Variants in PDE8B observed in about 807,000 individuals in gnomAD.
PDE8B encodes phosphodiesterase 8B, also known as high affinity cAMP-specific and IBMX-insensitive 3',5'-cyclic phosphodiesterase 8B.
In PDE8B, 26 loss-of-function variants were observed where a neutral mutation model predicts 101.3. The observed-to-expected ratio is 0.26, with a 90% CI of 0.19 to 0.36. The LOEUF (loss-of-function observed/expected upper bound fraction) is 0.36, where lower values mean the gene tolerates loss of function less well. Among genes scored for constraint, PDE8B ranks in the 10% least tolerant of loss-of-function variants. The pLI is 1.00. For synonymous variants in PDE8B, 424 were observed against 429.3 expected (o/e 0.99, Z 0.15); for missense variants, 810 against 1,163.1 (o/e 0.70, Z 4.42).
chr5:77,393,087 T>C (rs2150937749), intron 10 of PDE8B, among the ~76,000 whole-genome samples: 1 of 152,252 alleles, frequency 6.6e-6, no homozygotes, highest in African/African-American at 2.4e-5. Flanking sequence ...AGGCAAATAA[T>C]AAAAACTCAA....
Position 77,211,133 on chromosome 5 carries a change from G to T in PDE8B, c.208G>T (p.Ala70Ser), listed in dbSNP as rs1381871102. The T allele has an allele frequency of 4.6e-6, 7 of 1,522,312 alleles. No individual in the cohort carries two copies. The highest frequency in any genetic ancestry group is 6.1e-6 in the Non-Finnish European group (7 of 1,141,714). 94.3% of individuals were successfully genotyped at this position (1,522,312 alleles called of 1,614,324 possible). The change falls in exon 1 of 22, where the codon GCC (alanine) becomes TCC (serine). Residue 70 changes from alanine (A) to serine (S), a missense_variant. Transcript: ENST00000264917. The surrounding 1 kb of genome is among the most constrained non-coding windows in gnomAD (Gnocchi z 4.1). ...CCCCAGCGTAGCCCGCGTCCGCAGG[G>T]CCCGCACCGAGCTGGGCAGCGGTAG... ...GPPSVARVRRARTELGSGSSA... is the reference protein window; with the variant it reads ...GPPSVARVRRSRTELGSGSSA...
intron 10 of PDE8B, among the ~76,000 whole-genome samples, chr5:77,373,527 A>G (rs1477082349): frequency 6.6e-6 from 1 of 151,986 alleles, no homozygotes; most frequent in Non-Finnish European, 1.5e-5. Context: ...TTTATTTCCA[A>G]GCAATCACTG....
At chr5:77,419,940 G>C (rs1202339904) in intron 19 of PDE8B, 53 bp downstream of exon 19, 53 of 1,600,034 alleles carry the variant, frequency 3.3e-5, no homozygotes, top group Non-Finnish European at 4.4e-5. Flanking sequence ...TTCCATAAGA[G>C]CCTGCTCTGG....
At chr5:77,359,544 G>A (rs940090043) in intron 10 of PDE8B, among the ~76,000 whole-genome samples, 4 of 152,158 alleles carry the variant, frequency 2.6e-5, no homozygotes, top group African/African-American at 9.7e-5. Flanking sequence ...CTACATCGAG[G>A]ATGTTTATAA....
chr5:77,236,315 A>G (rs1225531766), intron 1 of PDE8B, among the ~76,000 whole-genome samples: 1 of 152,228 alleles, frequency 6.6e-6, no homozygotes, highest in Non-Finnish European at 1.5e-5. Context: ...CATAGATGAC[A>G]CTTAAAGCTA....
the PDE8B span, among the ~76,000 whole-genome samples, chr5:77,102,530 G>A: frequency 6.6e-6 from 1 of 152,208 alleles, no homozygotes; most frequent in Non-Finnish European, 1.5e-5. Context: ...ACCTGAGGCA[G>A]GGCAGGAGCT....
At chr5:77,399,710 GAGAAA>G (rs1791849426) in intron 10 of PDE8B, among the ~76,000 whole-genome samples, 1 of 152,156 alleles carries the variant, frequency 6.6e-6, no homozygotes, top group South Asian at 2.1e-4. Flanking sequence ...AATTGATAAT[GAGAAA>G]GAATAGGTGG....
intron 2 of PDE8B, among the ~76,000 whole-genome samples, chr5:77,323,885 G>A (rs914101222): frequency 2.0e-5 from 3 of 152,174 alleles, no homozygotes; most frequent in Admixed American, 6.5e-5. Flanking sequence ...CTTGAACCTG[G>A]GAGGTGGAGG....
At chr5:77,259,928 G>A (rs538943478) in intron 1 of PDE8B, among the ~76,000 whole-genome samples, 6 of 152,248 alleles carry the variant, frequency 3.9e-5, no homozygotes, top group Admixed American at 1.3e-4. Flanking sequence ...TTGGGAGGCC[G>A]AGGTGGGTGG....
chr5:77,419,822 A>G lies in PDE8B; in HGVS notation c.2185A>G (p.Met729Val), dbSNP rs757855600. Residue 729 changes from methionine (M) to valine (V), a missense_variant, in exon 19 of 22, where the codon ATG (methionine) becomes GTG (valine). Physicochemically the swap from Met to Val is conservative, Grantham distance 21. Transcript: ENST00000264917. The part of the protein sequence containing the change: ...AIIDMVLATE[M>V]TKHFEHVNKF... ...TATTGACATGGTTTTGGCAACAGAGATGACAAAACACTTTGAACATGTGAA... is the reference window on the plus strand; with the variant it reads ...TATTGACATGGTTTTGGCAACAGAGGTGACAAAACACTTTGAACATGTGAA... 8.7e-6 allele frequency: 14 copies of G among 1,614,072 alleles called. No individual in the cohort carries two copies. The highest frequency in any genetic ancestry group is 1.2e-5 in the Non-Finnish European group (14 of 1,179,912).
chr5:77,184,765 A>G, the PDE8B span, among the ~76,000 whole-genome samples: 1 of 152,186 alleles, frequency 6.6e-6, no homozygotes, highest in South Asian at 2.1e-4. Flanking sequence ...GGATTGCTTG[A>G]GGCCAGAAGT....
At chr5:77,396,084 C>G (rs1790997915) in intron 10 of PDE8B, among the ~76,000 whole-genome samples, 1 of 152,242 alleles carries the variant, frequency 6.6e-6, no homozygotes, top group Non-Finnish European at 1.5e-5. Flanking sequence ...GCATTTAAAA[C>G]CAAAGACACT....
chr5:77,254,456 A>G (rs890382227), intron 1 of PDE8B, among the ~76,000 whole-genome samples: 1 of 152,136 alleles, frequency 6.6e-6, no homozygotes, highest in African/African-American at 2.4e-5. Flanking sequence ...CCCATCTCTA[A>G]TGGGTTTATT....
intron 5 of PDE8B, among the ~76,000 whole-genome samples, 162 bp from the exon 6 acceptor site, chr5:77,337,065 A>G (rs1778330735): frequency 2.6e-5 from 4 of 152,220 alleles, no homozygotes; most frequent in South Asian, 2.1e-4. Context: ...ACATTTAAAC[A>G]AGCACTTTGA....
the PDE8B span, among the ~76,000 whole-genome samples, chr5:77,170,364 T>A: frequency 1.3e-5 from 2 of 152,106 alleles, no homozygotes; most frequent in African/African-American, 4.8e-5. Context: ...ATGGTCTCAC[T>A]GGGAGCTGGA....
intron 1 of PDE8B, among the ~76,000 whole-genome samples, chr5:77,230,021 C>T (rs997754273): frequency 5.9e-5 from 9 of 152,224 alleles, no homozygotes; most frequent in Admixed American, 3.3e-4. Context: ...AACTGTTCTC[C>T]GAAGTGGCCG....
At chr5:77,104,738 T>C in the PDE8B span, 1 of 152,224 alleles carries the variant, frequency 6.6e-6, no homozygotes, top group Admixed American at 6.5e-5. Flanking sequence ...AAGCAGCTAG[T>C]TGAGGATTTG....
intron 1 of PDE8B, among the ~76,000 whole-genome samples, chr5:77,225,099 G>T (rs1224321834): frequency 3.3e-5 from 5 of 152,126 alleles, no homozygotes; most frequent in African/African-American, 4.8e-5. Flanking sequence ...TTCCTTAGGG[G>T]TTGCAAAAGC....
chr5:77,363,710 G>A (rs370409404), intron 10 of PDE8B, among the ~76,000 whole-genome samples: 21 of 134,036 alleles, frequency 1.6e-4, no homozygotes, highest in African/African-American at 5.7e-4. Context: ...AGACTCCATC[G>A]CAGAAAAAAA....
Sources: allele counts gnomAD v4.1 joint callset (sites outside exome capture counted in the v4.1 genomes callset), GRCh38; gene constraint gnomAD v4.1.1; non-coding constraint Gnocchi (gnomAD v3.1); transcripts MANE v1.5; gene names NCBI Gene and HGNC (gene_info 2026-07-23, HGNC 2026-07-21).